The following KCNB2 variants were observed in gnomAD, a reference collection of about 807,000 sequenced individuals.
KCNB2 encodes delayed rectifier potassium channel protein.
Under a neutral mutation model 61.5 loss-of-function variants are expected in KCNB2, and 15 were observed. That is an observed-to-expected ratio of 0.24 (90% confidence interval 0.16 to 0.38). The LOEUF (loss-of-function observed/expected upper bound fraction) is 0.38. Ranked by LOEUF, KCNB2 falls within the 10% of genes least tolerant of loss-of-function variation. KCNB2 has a pLI of 1.00. For missense variants in KCNB2, 828 were observed against 1,125.2 expected (o/e 0.74, Z 3.78); for synonymous variants, 457 against 446.0 (o/e 1.02, Z -0.31).
At chr8:72,765,873 G>T (rs1808454372) in intron 2 of KCNB2, among the ~76,000 whole-genome samples, 1 of 152,180 alleles carries the variant, frequency 6.6e-6, no homozygotes, top group Non-Finnish European at 1.5e-5. Flanking sequence ...GATGTTGATT[G>T]CTGCTGCCCT....
chr8:72,894,981 A>G (rs2129006162), intron 2 of KCNB2, among the ~76,000 whole-genome samples: 1 of 152,300 alleles, frequency 6.6e-6, no homozygotes, highest in South Asian at 2.1e-4. Context: ...GACTGAGATC[A>G]TAAATATTCC....
At chr8:72,765,824 T>G (rs886866965) in intron 2 of KCNB2, among the ~76,000 whole-genome samples, 1 of 152,222 alleles carries the variant, frequency 6.6e-6, no homozygotes, top group Non-Finnish European at 1.5e-5. Context: ...GGATCTGGGA[T>G]GGGGCCCAAA....
In KCNB2 at chr8:72,771,029, A is replaced by G. The variant is rs1212294448; in HGVS notation, c.580-164906A>G. ...TGTATGATTATTTATGTATTGTCGC[A>G]GAAAAAAGCTCCCAGCTATTGGCTA... is the stretch of plus-strand genomic sequence containing the variant. On this transcript the variant is annotated intron_variant, in intron 2 of 2. Coordinates refer to ENST00000523207, the MANE Select transcript of KCNB2 (RefSeq NM_004770.3). 3.9e-5 allele frequency among the ~76,000 whole-genome samples: 6 copies of G among 152,350 alleles called. No individual in the cohort carries two copies. The East Asian group carries it at 1.2e-3, about 29-fold the overall frequency.
rs1806204247 is a variant in KCNB2 at position 72,907,759 on chromosome 8, G to C, written c.580-28176G>C. On this transcript the variant is annotated intron_variant, in intron 2 of 2. Transcript: ENST00000523207. ...CTATGTCCCTATGTTTAGTCATTTA[G>C]AGTCAGAGGTAGCTGAAGGTGGCCT... Among the ~76,000 whole-genome samples the C allele has an allele frequency of 2.0e-5, 3 of 152,176 alleles. 1 individual carries two copies. In the South Asian group the frequency reaches 6.2e-4, roughly 32 times the overall value.
chr8:72,809,916 G>A (rs541258183), intron 2 of KCNB2, among the ~76,000 whole-genome samples: 65 of 152,204 alleles, frequency 4.3e-4, no homozygotes, highest in African/African-American at 1.6e-3. Context: ...TTAGTTTTCA[G>A]TCTTAATACC....
intron 2 of KCNB2, among the ~76,000 whole-genome samples, chr8:72,837,095 A>G (rs1237200900): frequency 1.3e-5 from 2 of 152,134 alleles, no homozygotes. Flanking sequence ...TTTCAATTCA[A>G]TATATTTAGA....
chr8:72,811,331 A>G (rs1195324443), intron 2 of KCNB2, among the ~76,000 whole-genome samples: 1 of 151,966 alleles, frequency 6.6e-6, no homozygotes, highest in African/African-American at 2.4e-5. Flanking sequence ...TTAACATAAT[A>G]AATTTTGAGA....
At chr8:72,867,217 T>C (rs1005908765) in intron 2 of KCNB2, among the ~76,000 whole-genome samples, 1 of 152,266 alleles carries the variant, frequency 6.6e-6, no homozygotes, top group African/African-American at 2.4e-5. Context: ...CTAATTAATA[T>C]GTCACCAAAT....
chr8:72,851,524 A>G (rs1412758100), intron 2 of KCNB2, among the ~76,000 whole-genome samples: 1 of 152,162 alleles, frequency 6.6e-6, no homozygotes, highest in African/African-American at 2.4e-5. Flanking sequence ...CTCTCCTCCA[A>G]AAACTAAATG....
At chr8:72,754,327 G>A (rs1425368499) in intron 2 of KCNB2, among the ~76,000 whole-genome samples, 1 of 152,110 alleles carries the variant, frequency 6.6e-6, no homozygotes, top group Non-Finnish European at 1.5e-5. Flanking sequence ...AGCCCCCTAG[G>A]TCTAACTCAA....
At chr8:72,569,503 C>T (rs1477734783) in intron 2 of KCNB2, among the ~76,000 whole-genome samples, 2 of 152,080 alleles carry the variant, frequency 1.3e-5, no homozygotes, top group Non-Finnish European at 2.9e-5. Context: ...ACTTTCCAGC[C>T]AGGACATGCA....
intron 2 of KCNB2, among the ~76,000 whole-genome samples, chr8:72,635,876 GTCTGATT>G (rs1408122954): frequency 6.6e-6 from 1 of 152,158 alleles, no homozygotes; most frequent in Non-Finnish European, 1.5e-5. Flanking sequence ...GAGAGAATCG[GTCTGATT>G]TCTGATACCT....
intron 2 of KCNB2, among the ~76,000 whole-genome samples, chr8:72,679,324 A>G (rs1054823029): frequency 2.0e-5 from 3 of 152,218 alleles, no homozygotes; most frequent in Non-Finnish European, 4.4e-5. Flanking sequence ...TAAGGCAAGT[A>G]TCAACTTTGT....
intron 2 of KCNB2, among the ~76,000 whole-genome samples, chr8:72,601,647 T>C (rs1366222345): frequency 1.3e-5 from 2 of 152,126 alleles, no homozygotes; most frequent in Admixed American, 1.3e-4. Context: ...CACTGTGAAG[T>C]GTTTAAGGGG....
intron 2 of KCNB2, among the ~76,000 whole-genome samples, chr8:72,928,889 G>A (rs6990146): frequency 0.049 from 7,447 of 151,834 alleles, 578 homozygotes; most frequent in African/African-American, 0.17. Context: ...GTTTGAAAGT[G>A]TTAAAAATGA....
chr8:72,864,720 C>T (rs1805485032), intron 2 of KCNB2, among the ~76,000 whole-genome samples: 1 of 152,156 alleles, frequency 6.6e-6, no homozygotes. Flanking sequence ...CTACAGACAG[C>T]ATGTTATATA....
intron 2 of KCNB2, among the ~76,000 whole-genome samples, chr8:72,640,047 A>G (rs557380990): frequency 6.6e-6 from 1 of 151,594 alleles, no homozygotes; most frequent in Non-Finnish European, 1.5e-5. Flanking sequence ...GCATCATTGC[A>G]TGAGTCTAGC....
intron 2 of KCNB2, among the ~76,000 whole-genome samples, chr8:72,916,498 T>C (rs1806403681): frequency 1.3e-5 from 2 of 152,072 alleles, no homozygotes; most frequent in Non-Finnish European, 2.9e-5. Context: ...CATCTGAGGG[T>C]GGTGTCTGTA....
chr8:72,544,347 T>C (rs946894436), intron 1 of KCNB2, among the ~76,000 whole-genome samples: 5 of 152,208 alleles, frequency 3.3e-5, no homozygotes, highest in African/African-American at 1.2e-4. Context: ...GATTTTATCC[T>C]GAAAGGCAGG....
Sources: allele counts gnomAD v4.1 joint callset (sites outside exome capture counted in the v4.1 genomes callset), GRCh38; gene constraint gnomAD v4.1.1; transcripts MANE v1.5; gene names NCBI Gene and HGNC (gene_info 2026-07-23, HGNC 2026-07-21).